The following SEZ6L variants were observed in gnomAD, a reference collection of about 807,000 sequenced individuals.
The protein encoded by SEZ6L is seizure 6-like protein.
Under a neutral mutation model 106.2 loss-of-function variants are expected in SEZ6L, and 37 were observed. The observed-to-expected ratio is 0.35, with a 90% CI of 0.27 to 0.46. The LOEUF (loss-of-function observed/expected upper bound fraction) is 0.46. SEZ6L is among the 20% of genes least tolerant of loss of function. SEZ6L has a pLI of 1.00. For missense variants in SEZ6L, 1,172 were observed against 1,332.8 expected, an observed-to-expected ratio of 0.88 and a Z score of 1.88; for synonymous variants, 541 against 570.4, an observed-to-expected ratio of 0.95 and a Z score of 0.73.
intron 1 of SEZ6L, among the ~76,000 whole-genome samples, chr22:26,205,334 G>A (rs1405978760): frequency 2.0e-5 from 3 of 152,194 alleles, no homozygotes; most frequent in African/African-American, 7.2e-5. Context: ...TTGCCAGTGA[G>A]TAGACATCAG....
intron 9 of SEZ6L, among the ~76,000 whole-genome samples, chr22:26,335,927 C>T (rs1274745075): frequency 6.6e-6 from 1 of 152,138 alleles, no homozygotes; most frequent in South Asian, 2.1e-4. Flanking sequence ...CACATTCGAC[C>T]CTCCCTCCTA....
intron 12 of SEZ6L, among the ~76,000 whole-genome samples, chr22:26,353,168 G>A (rs1379071216): frequency 6.6e-6 from 1 of 152,220 alleles, no homozygotes; most frequent in African/African-American, 2.4e-5. Context: ...GAATTTCAGA[G>A]CTGAAGGGAA....
At chr22:26,198,818 G>A (rs200218999) in intron 1 of SEZ6L, among the ~76,000 whole-genome samples, 3 of 152,172 alleles carry the variant, frequency 2.0e-5, no homozygotes, top group African/African-American at 7.2e-5. Context: ...GACTGCTCCC[G>A]GTAGACATTC....
Position 26,310,821 on chromosome 22 carries a change from A to G in SEZ6L, c.1666A>G (p.Asn556Asp). 1 of 1,613,866 alleles carries G rather than the reference A, an allele frequency of 6.2e-7. No homozygotes were observed. Among genetic ancestry groups the G allele is most frequent in the South Asian group, 1.1e-5 (1 of 91,052 alleles). ...CCAGGCCCGGGCGGCCTCCACCTTC[A>G]ACATCCGATTTGAAGGTGAGGGTCC... is the stretch of plus-strand genomic sequence containing the variant. ...SDQARAASTFNIRFEAFEKGH... is the reference protein window; with the variant it reads ...SDQARAASTFDIRFEAFEKGH... The change falls in exon 7 of 17, where the codon AAC becomes GAC. Residue 556 changes from asparagine to aspartate, a missense_variant. Around this residue, in one of 4 missense-constraint regions of SEZ6L, gnomAD observed 534 missense variants for 691.0 expected, o/e 0.77. Coordinates refer to ENST00000248933, the MANE Select transcript of SEZ6L (RefSeq NM_021115.5).
chr22:26,232,238 C>T lies in SEZ6L; in HGVS notation c.95-60168C>T, dbSNP rs140218435. 9.1e-4 allele frequency among the ~76,000 whole-genome samples: 138 copies of T among 152,120 alleles called. No individual in the cohort carries two copies. In the East Asian group the frequency reaches 0.012, roughly 13 times the overall value. ...TATAGCACCAGGAAAAGTCCTTACC[C>T]GAAAGGAGTCTCAGTTTCCCCATCT... On this transcript the variant is annotated intron_variant, in intron 1 of 16. Coordinates refer to ENST00000248933, the MANE Select transcript of SEZ6L (RefSeq NM_021115.5).
At chr22:26,175,507 G>A (rs1017194917) in intron 1 of SEZ6L, among the ~76,000 whole-genome samples, 1 of 152,126 alleles carries the variant, frequency 6.6e-6, no homozygotes, top group Non-Finnish European at 1.5e-5. Flanking sequence ...TTAATGTGCA[G>A]ATAGTCTGGA....
chr22:26,369,969 G>C (rs1490617448), intron 13 of SEZ6L, among the ~76,000 whole-genome samples: 1 of 152,146 alleles, frequency 6.6e-6, no homozygotes, highest in Non-Finnish European at 1.5e-5. Flanking sequence ...TTAAGTATTG[G>C]GAAGTTCCTG....
intron 12 of SEZ6L, among the ~76,000 whole-genome samples, chr22:26,353,094 A>T (rs535858552): frequency 6.6e-6 from 1 of 152,186 alleles, no homozygotes; most frequent in South Asian, 2.1e-4. Flanking sequence ...TGTTTCCACA[A>T]GTAACAGGGA....
intron 1 of SEZ6L, among the ~76,000 whole-genome samples, chr22:26,238,045 G>A (rs1180799172): frequency 6.6e-6 from 1 of 152,200 alleles, no homozygotes; most frequent in Non-Finnish European, 1.5e-5. Context: ...TTCCCCGGGG[G>A]AGATGGAAGA....
At chr22:26,240,962 G>A (rs2079108168) in intron 1 of SEZ6L, among the ~76,000 whole-genome samples, 1 of 152,172 alleles carries the variant, frequency 6.6e-6, no homozygotes, top group Admixed American at 6.5e-5. Flanking sequence ...CAAAGCATTT[G>A]CCAGAGGCAG....
At chr22:26,214,547 A>G (rs570881057) in intron 1 of SEZ6L, among the ~76,000 whole-genome samples, 3 of 152,360 alleles carry the variant, frequency 2.0e-5, no homozygotes, top group Non-Finnish European at 4.4e-5. Flanking sequence ...CAAAGCAGGA[A>G]TATCATGTGG....
At chr22:26,195,900 G>A (rs1236100283) in intron 1 of SEZ6L, among the ~76,000 whole-genome samples, 1 of 152,046 alleles carries the variant, frequency 6.6e-6, no homozygotes, top group Non-Finnish European at 1.5e-5. Context: ...CTTCTATGAG[G>A]CATTGACCTT....
intron 12 of SEZ6L, among the ~76,000 whole-genome samples, chr22:26,356,181 A>T (rs1320442608): frequency 6.6e-6 from 1 of 152,182 alleles, no homozygotes; most frequent in Admixed American, 6.5e-5. Flanking sequence ...TTTTTCACAG[A>T]TTTCCTAGGC....
chr22:26,218,075 G>A (rs943346859), intron 1 of SEZ6L, among the ~76,000 whole-genome samples: 1 of 152,170 alleles, frequency 6.6e-6, no homozygotes, highest in Admixed American at 6.5e-5. Context: ...GAAAACAGAT[G>A]CAGGAATATA....
chr22:26,365,339 T>G, intron 12 of SEZ6L, 33 bp from the exon 13 acceptor site: 1 of 1,576,630 alleles, frequency 6.3e-7, no homozygotes, highest in Non-Finnish European at 8.7e-7. Context: ...ATTTGCATCA[T>G]CTCATCAGAG....
chr22:26,355,306 GCCTGACTAAAC>G (rs1569476380), intron 12 of SEZ6L, among the ~76,000 whole-genome samples: 1 of 152,206 alleles, frequency 6.6e-6, no homozygotes, highest in African/African-American at 2.4e-5. Context: ...TCTAACTCAA[GCCTGACTAAAC>G]CCAAAAGCAT....
intron 1 of SEZ6L, among the ~76,000 whole-genome samples, chr22:26,269,173 A>C (rs2080282417): frequency 6.6e-6 from 1 of 152,192 alleles, no homozygotes; most frequent in South Asian, 2.1e-4. Flanking sequence ...AGAACTCCTG[A>C]AGGCAGTGGT....
chr22:26,170,491 G>T (rs565472846), intron 1 of SEZ6L, among the ~76,000 whole-genome samples: 2 of 152,126 alleles, frequency 1.3e-5, no homozygotes, highest in South Asian at 2.1e-4. Flanking sequence ...GGGGGTGAGG[G>T]GTGTTAGTTT....
Position 26,295,311 on chromosome 22 carries a change from G to T in SEZ6L, c.969+886G>T, listed in dbSNP as rs145982844. ...CCAGCAGAAATCGCGACCATGCAGT[G>T]CATGTTATCCATTATCTTCAGTATG... On this transcript the variant is annotated intron_variant, in intron 3 of 16. Transcript: ENST00000248933. Among the ~76,000 whole-genome samples the T allele has an allele frequency of 4.1e-3, 618 of 152,294 alleles. 1 individual carries two copies. The highest frequency in any genetic ancestry group is 5.5e-3 in the Non-Finnish European group (373 of 68,022).
Sources: allele counts gnomAD v4.1 joint callset (sites outside exome capture counted in the v4.1 genomes callset), GRCh38; gene constraint gnomAD v4.1.1; regional missense constraint gnomAD v4.1.1; transcripts MANE v1.5; gene names NCBI Gene and HGNC (gene_info 2026-07-23, HGNC 2026-07-21).